Variants in AMZ1 observed in about 807,000 individuals in gnomAD.
AMZ1 encodes archaelysin family metallopeptidase 1.
A neutral mutation model predicts 29.9 loss-of-function variants in AMZ1; 39 were observed. That is an observed-to-expected ratio of 1.30 (90% CI 1.01 to 1.70). The LOEUF (loss-of-function observed/expected upper bound fraction) is 1.70, where lower values mean the gene tolerates loss of function less well. Among genes scored for constraint, AMZ1 ranks in the 40% most tolerant of loss-of-function variants. The pLI is 0.00. For synonymous variants in AMZ1, 458 were observed against 304.0 expected (o/e 1.51, Z -5.27); for missense variants, 1,041 against 680.6 (o/e 1.53, Z -5.89).
At chr7:2,680,466 G>A (rs1017274252) in intron 1 of AMZ1, among the ~76,000 whole-genome samples, 5 of 152,186 alleles carry the variant, frequency 3.3e-5, no homozygotes, top group South Asian at 2.1e-4. Flanking sequence ...GCCCTGGGCC[G>A]CGAAGCCTCA....
rs565721007 is a variant in AMZ1, at chr7:2,696,864, G to A, written c.-218-3370G>A. On this transcript the variant is annotated intron_variant, in intron 1 of 6. Transcript: ENST00000683327. ...TCGTGCTACTGCACTCCAGCCTGGG[G>A]TAGAGGGAGACTCTGTCTCAAAAAC... Among the ~76,000 whole-genome samples the A allele has an allele frequency of 3.9e-4, 60 of 151,950 alleles. 1 individual carries two copies. Among genetic ancestry groups the A allele is most frequent in the African/African-American group, 1.4e-3 (59 of 41,398 alleles).
At chr7:2,685,855 GAA>G (rs10710624), upstream of AMZ1, among the ~76,000 whole-genome samples, 3,174 of 86,784 alleles carry the variant, frequency 0.037, 112 homozygotes, top group African/African-American at 0.11. Flanking sequence ...TCCGTCTCAA[GAA>G]AAAAAAAAAA....
At chr7:2,707,750 C>T (rs576542642) in intron 3 of AMZ1, among the ~76,000 whole-genome samples, 47 of 151,844 alleles carry the variant, frequency 3.1e-4, no homozygotes, top group South Asian at 1.7e-3. Flanking sequence ...GTCCTTCCTC[C>T]GAGCCAGCCC....
chr7:2,762,538 C>T, upstream of AMZ1: 1 of 1,257,418 alleles, frequency 8.0e-7, no homozygotes, highest in Non-Finnish European at 1.1e-6. Flanking sequence ...TCCACCACGC[C>T]TTCTATTCTG....
upstream of AMZ1, among the ~76,000 whole-genome samples, chr7:2,684,923 G>A (rs574247573): frequency 6.7e-6 from 1 of 148,700 alleles, no homozygotes; most frequent in East Asian, 2.0e-4. Flanking sequence ...AGGCTGGAGT[G>A]CAGTGGCGCG....
intron 4 of AMZ1, among the ~76,000 whole-genome samples, chr7:2,745,984 T>A (rs974624002): frequency 2.0e-5 from 3 of 152,118 alleles, no homozygotes; most frequent in Non-Finnish European, 4.4e-5. Context: ...CCTAAATATA[T>A]ATGCAAACAA....
chr7:2,684,655 G>T (rs985848715), upstream of AMZ1, among the ~76,000 whole-genome samples: 1 of 152,074 alleles, frequency 6.6e-6, no homozygotes, highest in Non-Finnish European at 1.5e-5. Context: ...GCGTGTCCCG[G>T]GTGCAGTGTG....
At chr7:2,729,175 C>T (rs1176645703) in intron 4 of AMZ1, 1 of 152,390 alleles carries the variant, frequency 6.6e-6, no homozygotes, top group African/African-American at 2.4e-5. Context: ...GGAGGACCCG[C>T]TTGCACTTCC....
chr7:2,744,375 C>G (rs1424923175), intron 4 of AMZ1, among the ~76,000 whole-genome samples: 2 of 152,226 alleles, frequency 1.3e-5, no homozygotes, highest in Non-Finnish European at 2.9e-5. Context: ...ATCCGCTGTT[C>G]TGCAGCCACC....
chr7:2,691,277 G>T (rs1787371993), intron 1 of AMZ1, among the ~76,000 whole-genome samples: 1 of 148,360 alleles, frequency 6.7e-6, no homozygotes, highest in Non-Finnish European at 1.5e-5. Flanking sequence ...AAGAGTAGGG[G>T]AAGGTCCGTG....
chr7:2,709,605 C>T (rs1402518708), intron 5 of AMZ1, 35 bp from the exon 6 acceptor site: 5 of 1,594,638 alleles, frequency 3.1e-6, no homozygotes, highest in South Asian at 2.2e-5. Context: ...AGGGGCAAGG[C>T]AGTGAGGCAA....
At chr7:2,706,446 TGGCTTA>T (rs1193208659) in intron 3 of AMZ1, among the ~76,000 whole-genome samples, 1 of 152,206 alleles carries the variant, frequency 6.6e-6, no homozygotes, top group Non-Finnish European at 1.5e-5. Context: ...ACAAACTGAG[TGGCTTA>T]GGGACATTTC....
chr7:2,764,378 C>T (rs573129847), upstream of AMZ1, among the ~76,000 whole-genome samples: 43 of 152,210 alleles, frequency 2.8e-4, 1 homozygote, highest in African/African-American at 1.0e-3. Flanking sequence ...CTCCCGCATC[C>T]AGGCAGTCTG....
rs116070355 is a variant in AMZ1, at chr7:2,737,859, C to G, written n.551-26853C>G. ...GCATTTGATTTCCACTGAATAGAGA[C>G]GCTAGCCAAACAACAGAGAATCTTT... On this transcript the variant is annotated intron_variant and non_coding_transcript_variant, in intron 4 of 4. Transcript: ENST00000489665. 5.2e-3 allele frequency among the ~76,000 whole-genome samples: 799 copies of G among 152,236 alleles called. 7 individuals carry two copies. The highest frequency in any genetic ancestry group is 0.018 in the African/African-American group (754 of 41,532).
rs563984817 is a variant in AMZ1 at position 2,739,674 on chromosome 7, G to A, written n.551-25038G>A. On this transcript the variant is annotated intron_variant and non_coding_transcript_variant, in intron 4 of 4. Transcript: ENST00000489665. ...AGGAGTGAAACTGTAGCATCCTATG[G>A]TAGTTCTTTTTTTATTTTAAAATGG... 5.3e-5 allele frequency among the ~76,000 whole-genome samples: 8 copies of A among 152,130 alleles called. No homozygotes were observed. In the South Asian group the frequency reaches 1.5e-3, roughly 28 times the overall value.
intron 4 of AMZ1, among the ~76,000 whole-genome samples, chr7:2,736,387 G>C (rs1183825973): frequency 1.3e-5 from 2 of 152,174 alleles, no homozygotes; most frequent in Admixed American, 1.3e-4. Context: ...TAAATGAAAT[G>C]AATTTCATTA....
At chr7:2,703,912 A>G (rs798467) in intron 3 of AMZ1, among the ~76,000 whole-genome samples, 39,734 of 151,986 alleles carry the variant, frequency 0.26, 5,280 homozygotes, top group Admixed American at 0.29. Flanking sequence ...TTTCTGAGAC[A>G]GAATCTTGCT....
At chr7:2,719,923 C>T (rs1044079921), downstream of AMZ1, among the ~76,000 whole-genome samples, 11 of 152,136 alleles carry the variant, frequency 7.2e-5, no homozygotes, top group African/African-American at 2.7e-4. Context: ...CCTCGTGATC[C>T]ACCCGCCTTG....
intron 4 of AMZ1, among the ~76,000 whole-genome samples, chr7:2,740,690 T>A (rs1445039565): frequency 6.6e-6 from 1 of 152,194 alleles, no homozygotes; most frequent in African/African-American, 2.4e-5. Context: ...TCTGTTGGGC[T>A]CATTCTTAAA....
Sources: gnomAD v4.1 joint callset for allele counts (sites outside exome capture counted in the v4.1 genomes callset) on GRCh38, gnomAD v4.1.1 for gene constraint, MANE v1.5 for transcripts, NCBI Gene and HGNC (gene_info 2026-07-23, HGNC 2026-07-21) for gene names.